The following DDHD1 variants were observed in gnomAD, a reference collection of about 807,000 sequenced individuals.
DDHD1 encodes phospholipase DDHD1.
Under a neutral mutation model 96.4 loss-of-function variants are expected in DDHD1, and 49 were observed. That is an observed-to-expected ratio of 0.51 (90% CI 0.40 to 0.64). DDHD1 has a LOEUF of 0.64. DDHD1 is among the 30% of genes least tolerant of loss of function. The pLI is 0.00. For synonymous variants in DDHD1, 442 were observed against 446.5 expected (o/e 0.99, Z 0.13); for missense variants, 1,106 against 1,161.2 (o/e 0.95, Z 0.69).
rs573017547 is a variant in DDHD1, at chr14:53,051,209, A to T, written c.2521+635T>A. Among the ~76,000 whole-genome samples the T allele has an allele frequency of 8.6e-5, 13 of 151,354 alleles. No individual in the cohort carries two copies. The East Asian group carries it at 9.7e-4, about 11-fold the overall frequency. ...GACAAAATCCAGCATTTTTTTTTTT[A>T]AAAGAGAAGCTGTGGAAAAAGAATC... On this transcript the variant is annotated intron_variant, in intron 12 of 12. Transcript: ENST00000673822.
At position 53,153,187 on chromosome 14, in the gene DDHD1, A is replaced by T. The variant is rs1566617859; in HGVS notation, c.-89T>A. The T allele has an allele frequency of 8.7e-7, 1 of 1,150,896 alleles. No homozygotes were observed. The highest frequency in any genetic ancestry group is 1.6e-5 in the African/African-American group (1 of 60,622). The allele number at this position is 1,150,896 out of a possible 1,614,324, so 71.3% of individuals were successfully genotyped here. Reference sequence around the variant, plus strand: ...CACATTCAACGCCGCCGCCCTCTCCACCCGAAGTTTCTAATCTTTCAAATC... The same window carrying T: ...CACATTCAACGCCGCCGCCCTCTCCTCCCGAAGTTTCTAATCTTTCAAATC... On this transcript the variant is annotated 5_prime_UTR_variant, in exon 1 of 13. Transcript: ENST00000673822.
intron 6 of DDHD1, among the ~76,000 whole-genome samples, chr14:53,064,208 T>C (rs1305169050): frequency 1.3e-5 from 2 of 152,116 alleles, no homozygotes; most frequent in African/African-American, 4.8e-5. Flanking sequence ...TAAAATTTCA[T>C]TATTTTCCTG....
At chr14:53,105,071 TAAGAC>T (rs1487813611) in intron 1 of DDHD1, among the ~76,000 whole-genome samples, 1 of 151,958 alleles carries the variant, frequency 6.6e-6, no homozygotes, top group Non-Finnish European at 1.5e-5. Context: ...ATTTTAAGCA[TAAGAC>T]AAAAGAGATA....
chr14:53,152,228 C>A (rs921211910), intron 1 of DDHD1, 33 bp downstream of exon 1: 3 of 1,549,948 alleles, frequency 1.9e-6, no homozygotes, highest in Non-Finnish European at 2.6e-6. Flanking sequence ...GCAGGGGCAG[C>A]CCGTCCTGCC....
chr14:53,068,610 T>C (rs1297925322), intron 6 of DDHD1, among the ~76,000 whole-genome samples: 1 of 152,076 alleles, frequency 6.6e-6, no homozygotes, highest in African/African-American at 2.4e-5. Flanking sequence ...AACATCCTCA[T>C]TTTGTGTTTG....
chr14:53,082,034 T>C (rs1309977402), intron 4 of DDHD1, among the ~76,000 whole-genome samples: 1 of 152,134 alleles, frequency 6.6e-6, no homozygotes, highest in African/African-American at 2.4e-5. Context: ...TTCTTAAATA[T>C]CTCATAAGAA....
Position 53,072,617 on chromosome 14 carries a change from T to C in DDHD1, c.1483A>G (p.Ser495Gly). The C allele has an allele frequency of 6.3e-7, 1 of 1,587,338 alleles. No homozygotes were observed. Among genetic ancestry groups the C allele is most frequent in the Non-Finnish European group, 8.6e-7 (1 of 1,163,492 alleles). ...CTTACTTCATCTCTATAAAGTGGAC[T>C]AGTATAATACATTATGTCCATTGCA... is the stretch of plus-strand genomic sequence containing the variant. Reference protein sequence around the residue: ...SSAMDIMYYTSPLYRDELVKG... With the variant: ...SSAMDIMYYTGPLYRDELVKG... Residue 495 changes from serine to glycine, a missense_variant, in exon 6 of 13, where the codon AGT becomes GGT. Coordinates refer to ENST00000673822, the MANE Select transcript of DDHD1 (RefSeq NM_001160148.2).
intron 12 of DDHD1, among the ~76,000 whole-genome samples, chr14:53,051,103 TAAAG>T (rs1288716681): frequency 6.1e-5 from 9 of 146,632 alleles, no homozygotes; most frequent in Admixed American, 6.1e-4. Flanking sequence ...GGTGATCAAA[TAAAG>T]AAACTGTAAA....
chr14:53,112,676 C>T (rs1888198560), intron 1 of DDHD1, among the ~76,000 whole-genome samples: 1 of 152,100 alleles, frequency 6.6e-6, no homozygotes, highest in Non-Finnish European at 1.5e-5. Context: ...CATCTATGTC[C>T]TTATTGACTA....
At position 53,132,306 on chromosome 14, in the gene DDHD1, G is replaced by T. The variant is rs11157951; in HGVS notation, c.838+19955C>A. Among the ~76,000 whole-genome samples the T allele has an allele frequency of 2.0e-5, 3 of 152,088 alleles. No homozygotes were observed. In the East Asian group the frequency reaches 5.8e-4, roughly 29 times the overall value. ...CTTACTGTTTCAGGCTGGCCCCCACGTTATTCCTGATACCACACATGACCC... is the reference window on the plus strand; with the variant it reads ...CTTACTGTTTCAGGCTGGCCCCCACTTTATTCCTGATACCACACATGACCC... On this transcript the variant is annotated intron_variant, in intron 1 of 12. Transcript: ENST00000673822.
intron 1 of DDHD1, among the ~76,000 whole-genome samples, chr14:53,124,986 G>A: frequency 6.6e-6 from 1 of 151,846 alleles, no homozygotes; most frequent in Non-Finnish European, 1.5e-5. Flanking sequence ...TGGGTGTGTG[G>A]GTGTGTCTCT....
At chr14:53,143,190 G>C (rs550328639) in intron 1 of DDHD1, among the ~76,000 whole-genome samples, 51 of 152,352 alleles carry the variant, frequency 3.3e-4, no homozygotes, top group African/African-American at 1.2e-3. Context: ...TTTGAGCCAA[G>C]TCTGGATCCA....
intron 1 of DDHD1, among the ~76,000 whole-genome samples, chr14:53,146,939 T>TG (rs1891031702): frequency 1.4e-5 from 2 of 145,470 alleles, no homozygotes; most frequent in East Asian, 2.0e-4. Context: ...CAGTTTTTTT[T>TG]TTTTTTTTTT....
Position 53,152,320 on chromosome 14 carries a change from C to T in DDHD1, c.779G>A (p.Arg260Gln). 1 of 1,614,014 alleles carries T rather than the reference C, an allele frequency of 6.2e-7. No homozygotes were observed. The highest frequency in any genetic ancestry group is 8.5e-7 in the Non-Finnish European group (1 of 1,179,940). ...ELVNIEPVCV[R>Q]GGLYEVDVTQ... ...CACATCCACCTCGTAGAGGCCGCCC[C>T]GCACGCACACAGGCTCGATGTTCAC... Residue 260 changes from arginine to glutamine, a missense_variant, in exon 1 of 13, where the codon CGG (arginine) becomes CAG (glutamine). Around this residue, in one of 2 missense-constraint regions of DDHD1, gnomAD observed 456 missense variants for 402.4 expected, o/e 1.13. Coordinates refer to ENST00000673822, the MANE Select transcript of DDHD1 (RefSeq NM_001160148.2).
chr14:53,070,818 A>C (rs1168074705), intron 6 of DDHD1, among the ~76,000 whole-genome samples: 1 of 152,192 alleles, frequency 6.6e-6, no homozygotes, highest in African/African-American at 2.4e-5. Context: ...ATCTTTGTAC[A>C]GAAAACATAT....
chr14:53,149,658 A>AT (rs1399869228), intron 1 of DDHD1: 1 of 152,232 alleles, frequency 6.6e-6, no homozygotes, highest in East Asian at 1.9e-4. Context: ...TCTTGTAGAG[A>AT]ACTATTTAGA....
intron 2 of DDHD1, among the ~76,000 whole-genome samples, chr14:53,100,232 T>C (rs987136433): frequency 6.6e-6 from 1 of 152,058 alleles, no homozygotes; most frequent in Admixed American, 6.6e-5. Flanking sequence ...CCTGGCACTT[T>C]GTGGGGGCTG....
chr14:53,082,031 A>G (rs1885511646), intron 4 of DDHD1, among the ~76,000 whole-genome samples: 1 of 152,206 alleles, frequency 6.6e-6, no homozygotes, highest in East Asian at 1.9e-4. Flanking sequence ...TATTTCTTAA[A>G]TATCTCATAA....
At chr14:53,103,295 T>A in intron 2 of DDHD1, 1 of 384,938 alleles carries the variant, frequency 2.6e-6, no homozygotes, top group South Asian at 8.9e-5. Context: ...AGATTTTTTT[T>A]TTGAACTTCA....
Sources: allele counts gnomAD v4.1 joint callset (sites outside exome capture counted in the v4.1 genomes callset), GRCh38; gene constraint gnomAD v4.1.1; regional missense constraint gnomAD v4.1.1; transcripts MANE v1.5; gene names NCBI Gene and HGNC (gene_info 2026-07-23, HGNC 2026-07-21).